COL5A2: variants seen among roughly 807,000 people sequenced by gnomAD.
COL5A2 encodes the protein collagen alpha-2(V) chain.
A neutral mutation model predicts 208.2 loss-of-function variants in COL5A2; 23 were observed. That is an observed-to-expected ratio of 0.11 (90% CI 0.08 to 0.16). The LOEUF is 0.16. Among genes scored for constraint, COL5A2 ranks in the 10% least tolerant of loss-of-function variants. The probability of loss-of-function intolerance (pLI) is 1.00; values close to 1 mark genes in which losing one functional copy is unlikely to be tolerated. For synonymous variants in COL5A2, 625 were observed against 628.5 expected (o/e 0.99, Z 0.08); for missense variants, 1,590 against 1,956.4 (o/e 0.81, Z 3.53).
chr2:189,295,736 C>T, the COL5A2 span, among the ~76,000 whole-genome samples: 1 of 152,142 alleles, frequency 6.6e-6, no homozygotes, highest in African/African-American at 2.4e-5. Flanking sequence ...CTGGTTCCAC[C>T]GTTTCTAGCA....
chr2:189,418,608 T>C, the COL5A2 span, among the ~76,000 whole-genome samples: 3 of 152,112 alleles, frequency 2.0e-5, no homozygotes, highest in African/African-American at 7.2e-5. Flanking sequence ...TTATGGAAAA[T>C]AGTAGCTATG....
chr2:189,051,950 T>A (rs1685799083), intron 41 of COL5A2, among the ~76,000 whole-genome samples: 1 of 152,142 alleles, frequency 6.6e-6, no homozygotes, highest in Non-Finnish European at 1.5e-5. Flanking sequence ...TAATAAAACA[T>A]TGGGGCTAAA....
intron 1 of COL5A2, among the ~76,000 whole-genome samples, chr2:189,139,458 A>T (rs2105769018): frequency 1.3e-5 from 2 of 152,244 alleles, no homozygotes; most frequent in Middle Eastern, 3.4e-3. Context: ...TACTCCTGAA[A>T]AATCGTCAAA....
intron 47 of COL5A2, among the ~76,000 whole-genome samples, chr2:189,044,892 G>A (rs1007027220): frequency 3.9e-5 from 6 of 152,184 alleles, no homozygotes; most frequent in Admixed American, 2.0e-4. Context: ...ATAGCTCAGA[G>A]AGAAATGCAC....
the COL5A2 span, among the ~76,000 whole-genome samples, chr2:189,335,016 C>T: frequency 6.6e-6 from 1 of 151,798 alleles, no homozygotes; most frequent in Non-Finnish European, 1.5e-5. Context: ...TACTCTCTAT[C>T]CATATTTAAA....
At position 189,059,630 on chromosome 2, in the gene COL5A2, A is replaced by G. The variant is rs1380984146; in HGVS notation, c.2086-737T>C. On this transcript the variant is annotated intron_variant, in intron 31 of 53. Transcript: ENST00000374866. The stretch of plus-strand genomic sequence containing the variant: ...TTTTTTTGAGACGTTGTCTCGCTCT[A>G]TCACCCAGGCTGGAGTACAATGGTG... Among the ~76,000 whole-genome samples, 8 of 39,348 alleles carry G rather than the reference A, an allele frequency of 2.0e-4. No individual in the cohort carries two copies. The South Asian group carries it at 5.9e-3, about 29-fold the overall frequency. The allele number at this position is 39,348 out of a possible 152,430, so 25.8% of individuals were successfully genotyped here. A position where few individuals can be genotyped will look rare whatever the true frequency, so the allele number is the denominator to read the frequency against.
the COL5A2 span, among the ~76,000 whole-genome samples, chr2:189,345,101 A>T: frequency 6.6e-6 from 1 of 152,230 alleles, no homozygotes; most frequent in African/African-American, 2.4e-5. Flanking sequence ...TCAGTTAGTC[A>T]ATCACGACAG....
intron 18 of COL5A2, among the ~76,000 whole-genome samples, chr2:189,069,917 C>T (rs1686233684): frequency 6.6e-6 from 1 of 152,090 alleles, no homozygotes. Context: ...GCATTATAAG[C>T]AAAATACCAT....
At chr2:189,277,077 A>T in the COL5A2 span, among the ~76,000 whole-genome samples, 64 of 152,092 alleles carry the variant, frequency 4.2e-4, no homozygotes, top group African/African-American at 1.4e-3. Flanking sequence ...TGCCACTCCA[A>T]CTCTATTTTC....
chr2:189,067,659 G>T (rs553577583), intron 21 of COL5A2, among the ~76,000 whole-genome samples: 1 of 152,124 alleles, frequency 6.6e-6, no homozygotes. Context: ...TAGCCTAATT[G>T]TCATTATAAA....
chr2:189,424,132 G>A, the COL5A2 span, among the ~76,000 whole-genome samples: 170 of 152,118 alleles, frequency 1.1e-3, no homozygotes, highest in African/African-American at 3.7e-3. Flanking sequence ...AAAAGCACTT[G>A]ACAAAATTTA....
the COL5A2 span, among the ~76,000 whole-genome samples, chr2:189,291,604 T>C: frequency 1.3e-5 from 2 of 152,150 alleles, no homozygotes; most frequent in Admixed American, 1.3e-4. Flanking sequence ...GGTGTTACTT[T>C]CATGGCAGAA....
At chr2:189,178,764 T>C in intron 1 of COL5A2, among the ~76,000 whole-genome samples, 1 of 148,972 alleles carries the variant, frequency 6.7e-6, no homozygotes. Flanking sequence ...ATGCAAATAT[T>C]CCATGCCAAA....
chr2:189,322,499 C>G, the COL5A2 span, among the ~76,000 whole-genome samples: 1 of 152,144 alleles, frequency 6.6e-6, no homozygotes, highest in Non-Finnish European at 1.5e-5. Flanking sequence ...GGGGATATCA[C>G]CACCGATCCC....
At chr2:189,103,787 G>A (rs974990416) in intron 3 of COL5A2, among the ~76,000 whole-genome samples, 3 of 151,972 alleles carry the variant, frequency 2.0e-5, no homozygotes, top group African/African-American at 7.2e-5. Context: ...AATTAATTCT[G>A]GATCTTTACT....
intron 1 of COL5A2, among the ~76,000 whole-genome samples, chr2:189,174,282 T>C (rs940330005): frequency 6.6e-6 from 1 of 152,118 alleles, no homozygotes; most frequent in African/African-American, 2.4e-5. Context: ...ATATTGAAAA[T>C]GAAAAACATG....
the COL5A2 span, among the ~76,000 whole-genome samples, chr2:189,245,361 A>G: frequency 5.3e-5 from 8 of 152,294 alleles, no homozygotes; most frequent in Admixed American, 5.2e-4. Flanking sequence ...ATAAAATCTA[A>G]TATCTGGAAA....
chr2:189,280,447 T>C, the COL5A2 span, among the ~76,000 whole-genome samples: 11,303 of 152,176 alleles, frequency 0.074, 700 homozygotes, highest in African/African-American at 0.17. Flanking sequence ...CTGTGCAAAC[T>C]CTCTAAATCC....
chr2:189,297,410 C>CAT, the COL5A2 span, among the ~76,000 whole-genome samples: 2 of 152,120 alleles, frequency 1.3e-5, no homozygotes, highest in South Asian at 4.1e-4. Context: ...TGAGGCACTT[C>CAT]ATATGTTATT....
Sources: gnomAD v4.1 joint callset for allele counts (sites outside exome capture counted in the v4.1 genomes callset) on GRCh38, gnomAD v4.1.1 for gene constraint, MANE v1.5 for transcripts, NCBI Gene and HGNC (gene_info 2026-07-23, HGNC 2026-07-21) for gene names.